Variants in SLC37A3 observed in about 807,000 individuals in gnomAD.
SLC37A3 encodes solute carrier family 37 member 3.
In SLC37A3, 51 loss-of-function variants were observed where a neutral mutation model predicts 67.1. The ratio of observed to expected loss-of-function variants is 0.76; its 90% CI spans 0.61 to 0.96. The LOEUF (loss-of-function observed/expected upper bound fraction) is 0.96. Among genes scored for constraint, SLC37A3 ranks in the 40% least tolerant of loss-of-function variants. The pLI, the probability that SLC37A3 is intolerant of heterozygous loss-of-function variation, is 0.00. For synonymous variants in SLC37A3, 214 were observed against 231.4 expected (o/e 0.92, Z 0.68); for missense variants, 508 against 603.0 (o/e 0.84, Z 1.65).
rs375181055 is a variant in SLC37A3 at position 140,348,642 on chromosome 7, G to A, written c.1008C>T (p.Asp336=). Residue 336 remains aspartate (D), a synonymous_variant, in exon 10 of 15, where the codon GAC becomes GAT. Coordinates refer to ENST00000326232, the MANE Select transcript of SLC37A3 (RefSeq NM_207113.3). ...AEADKLSIWY[D]VGGIIGGTLQ... is the part of the protein sequence containing the mutation. ...CCGGCATACCTATGATCCCTCCAAC[G>A]TCGTACCAAATGGACAGCTTGTCGG... 49 of 1,613,746 alleles carry A rather than the reference G, an allele frequency of 3.0e-5. No individual in the cohort carries two copies. Among genetic ancestry groups the A allele is most frequent in the Middle Eastern group, 1.6e-4 (1 of 6,082 alleles).
chr7:140,364,263 A>G, intron 5 of SLC37A3, 145 bp downstream of exon 5: 2 of 728,020 alleles, frequency 2.7e-6, no homozygotes, highest in South Asian at 4.7e-5. Context: ...GGGGGGAAAA[A>G]AAAGACTCAT....
chr7:140,335,790 C>G (rs902741746), intron 14 of SLC37A3, among the ~76,000 whole-genome samples: 3 of 152,160 alleles, frequency 2.0e-5, no homozygotes, highest in Admixed American at 6.5e-5. Context: ...AACAGTGATC[C>G]TTATAATAGA....
rs552544118 is a variant in SLC37A3 at position 140,339,041 on chromosome 7, G to A, written c.1327-1692C>T. 3.3e-5 allele frequency among the ~76,000 whole-genome samples: 5 copies of A among 152,182 alleles called. No individual in the cohort carries two copies. In the East Asian group the frequency reaches 7.7e-4, roughly 24 times the overall value. On this transcript the variant is annotated intron_variant, in intron 13 of 14. Coordinates refer to ENST00000326232, the MANE Select transcript of SLC37A3 (RefSeq NM_207113.3). ...CAGAGTGCTGGGATTAAAAGAGACA[G>A]GGTCTTTCTCTGTTGCCCAGACTGT...
chr7:140,340,821 C>T (rs951651779), intron 13 of SLC37A3, among the ~76,000 whole-genome samples: 1 of 152,008 alleles, frequency 6.6e-6, no homozygotes. Context: ...GTCCAAGCTA[C>T]TTGGGAGGCT....
rs1797147889 is a variant in SLC37A3, at chr7:140,358,904, T to C, written c.376-119A>G. On this transcript the variant is annotated intron_variant, in intron 5 of 14. Transcript: ENST00000326232. ...GTGAAGGATACACTCACACAGCCAG[T>C]GCCTGTAAGTCACGTGGCCAGCATC... The C allele has an allele frequency of 3.9e-6, 5 of 1,268,394 alleles. No individual in the cohort carries two copies. In the East Asian group the frequency reaches 1.2e-4, roughly 29 times the overall value. 78.6% of individuals were successfully genotyped at this position (1,268,394 alleles called of 1,614,324 possible).
chr7:140,335,562 A>G, intron 14 of SLC37A3, 58 bp from the exon 15 acceptor site: 1 of 1,577,276 alleles, frequency 6.3e-7, no homozygotes, highest in South Asian at 1.1e-5. Context: ...TTAGAGTGTC[A>G]TGTTTTGAAC....
At chr7:140,335,600 C>A (rs1796103442) in intron 14 of SLC37A3, 96 bp from the exon 15 acceptor site, 4 of 1,382,638 alleles carry the variant, frequency 2.9e-6, no homozygotes, top group Admixed American at 2.0e-5. Flanking sequence ...CAATTACATT[C>A]ATTTTGACTT....
rs752687870 is a variant in SLC37A3, at chr7:140,358,729, G to A, written c.432C>T (p.Tyr144=). Residue 144 remains tyrosine (Y), a synonymous_variant, in exon 6 of 15, where the codon TAC becomes TAT. Transcript: ENST00000326232. ...GGCCGTTCACAATCCACAGGCAGCA[G>A]TACAGCCATTTGTTGTAGAAACGCA... ...EWLRFYNKWL[Y]CCLWIVNGLL... 4 of 1,614,156 alleles carry A rather than the reference G, an allele frequency of 2.5e-6. No homozygotes were observed. Among genetic ancestry groups the A allele is most frequent in the East Asian group, 2.2e-5 (1 of 44,870 alleles).
intron 14 of SLC37A3, 81 bp downstream of exon 14, chr7:140,337,203 T>C: frequency 1.8e-6 from 2 of 1,092,262 alleles, no homozygotes; most frequent in Non-Finnish European, 2.5e-6. Flanking sequence ...TCAACAGTTT[T>C]GCTGAAGTGA....
Position 140,353,158 on chromosome 7 carries a change from T to C in SLC37A3, c.619-1012A>G, listed in dbSNP as rs150711557. 6.4e-4 allele frequency among the ~76,000 whole-genome samples: 98 copies of C among 152,128 alleles called. 1 individual carries two copies. Among genetic ancestry groups the C allele is most frequent in the Middle Eastern group, 6.8e-3 (2 of 294 alleles). ...AATTTAGGTTTTTGAGTAGGTAATA[T>C]ATTCACATGATTCAAGCAACAGAGG... On this transcript the variant is annotated intron_variant, in intron 7 of 14. Coordinates refer to ENST00000326232, the MANE Select transcript of SLC37A3 (RefSeq NM_207113.3).
At position 140,382,612 on chromosome 7, in the gene SLC37A3, A is replaced by G; in HGVS notation, c.-70-16T>C. On this transcript the variant is annotated splice_polypyrimidine_tract_variant and intron_variant, in intron 1 of 14. Transcript: ENST00000326232. ...TTTCTTCCTTCTGGAAAGACAAAAC[A>G]CATTATGGACATTATTAAACATAGG... is the stretch of plus-strand genomic sequence containing the variant. 2 of 1,074,218 alleles carry G rather than the reference A, an allele frequency of 1.9e-6. No individual in the cohort carries two copies. Among genetic ancestry groups the G allele is most frequent in the East Asian group, 2.4e-5 (1 of 41,608 alleles). 66.5% of individuals were successfully genotyped at this position (1,074,218 alleles called of 1,614,324 possible).
intron 2 of SLC37A3, among the ~76,000 whole-genome samples, chr7:140,381,461 G>A (rs192287686): frequency 3.9e-5 from 6 of 152,022 alleles, no homozygotes; most frequent in Admixed American, 6.5e-5. Context: ...GGAGTTCGAG[G>A]CTGCAGTGAA....
intron 13 of SLC37A3, among the ~76,000 whole-genome samples, chr7:140,338,503 G>T (rs1487822682): frequency 6.6e-6 from 1 of 151,972 alleles, no homozygotes; most frequent in Non-Finnish European, 1.5e-5. Flanking sequence ...ATGGAGTCTC[G>T]CTCTGTCACC....
At position 140,333,771 on chromosome 7, in the gene SLC37A3, T is replaced by C. The variant is rs940431588; in HGVS notation, c.*1641A>G. ...TGGAGATTCATTATAAAAGTCAGTT[T>C]ATTTTCCCTTTCTGTGTTTCGTATT... On this transcript the variant is annotated 3_prime_UTR_variant, in exon 15 of 15. Coordinates refer to ENST00000326232, the MANE Select transcript of SLC37A3 (RefSeq NM_207113.3). 1 of 152,662 alleles carries C rather than the reference T, an allele frequency of 6.6e-6. No individual in the cohort carries two copies. Among genetic ancestry groups the C allele is most frequent in the Non-Finnish European group, 1.5e-5 (1 of 68,036 alleles). 9.5% of individuals were successfully genotyped at this position (152,662 alleles called of 1,614,324 possible).
chr7:140,351,391 T>C lies in SLC37A3; in HGVS notation c.764A>G (p.Asn255Ser). ...ATATTCGTCTTCATTTTCACCACCA[T>C]TAATTAATGGCCTGTGTGAGTCTTC... is the stretch of plus-strand genomic sequence containing the variant. ...FEEDSHRPLI[N>S]GGENEDEYEP... Residue 255 changes from asparagine (N) to serine (S), a missense_variant, in exon 9 of 15, where the codon AAT (asparagine) becomes AGT (serine). Physicochemically the swap from Asn to Ser is conservative, Grantham distance 46 (BLOSUM62 1). Transcript: ENST00000326232. The C allele has an allele frequency of 2.5e-6, 4 of 1,614,244 alleles. No homozygotes were observed. In the East Asian group the frequency reaches 8.9e-5, roughly 36 times the overall value.
chr7:140,367,215 T>G lies in SLC37A3; in HGVS notation c.291+2375A>C, dbSNP rs146084627. Among the ~76,000 whole-genome samples the G allele has an allele frequency of 5.1e-3, 768 of 151,242 alleles. 16 individuals carry two copies. The highest frequency in any genetic ancestry group is 0.049 in the South Asian group (237 of 4,798). On this transcript the variant is annotated intron_variant, in intron 4 of 14. Coordinates refer to ENST00000326232, the MANE Select transcript of SLC37A3 (RefSeq NM_207113.3). ...ACTTTGGAAGGCAGCGGTAAGTGGA[T>G]CAACTGAGGACAGGAGTTTGAGACC...
At chr7:140,375,246 A>C (rs1797988148) in intron 3 of SLC37A3, among the ~76,000 whole-genome samples, 1 of 151,120 alleles carries the variant, frequency 6.6e-6, no homozygotes, top group Non-Finnish European at 1.5e-5. Flanking sequence ...GGGCGGGTGG[A>C]TTGCCTGAGC....
At chr7:140,376,127 C>T (rs1798023150) in intron 3 of SLC37A3, among the ~76,000 whole-genome samples, 1 of 152,158 alleles carries the variant, frequency 6.6e-6, no homozygotes, top group South Asian at 2.1e-4. Context: ...CAAGAATTAA[C>T]AGATTTTAAA....
chr7:140,361,865 A>C (rs1797318392), intron 5 of SLC37A3, among the ~76,000 whole-genome samples: 2 of 144,106 alleles, frequency 1.4e-5, no homozygotes, highest in African/African-American at 5.1e-5. Flanking sequence ...AATGGTGCCC[A>C]GGCTGGAGTG....
Sources: gnomAD v4.1 joint callset for allele counts (sites outside exome capture counted in the v4.1 genomes callset) on GRCh38, gnomAD v4.1.1 for gene constraint, MANE v1.5 for transcripts, NCBI Gene and HGNC (gene_info 2026-07-23, HGNC 2026-07-21) for gene names.